The following ZNF565 variants were observed in gnomAD, a reference collection of about 807,000 sequenced individuals.
The protein encoded by ZNF565 is zinc finger protein 565.
A neutral mutation model predicts 39.4 loss-of-function variants in ZNF565; 27 were observed. That is an observed-to-expected ratio of 0.69 (90% CI 0.51 to 0.95). The LOEUF is 0.95. Among genes scored for constraint, ZNF565 ranks in the 40% least tolerant of loss-of-function variants. The probability of loss-of-function intolerance (pLI) is 0.00; values close to 1 mark genes in which losing one functional copy is unlikely to be tolerated. For synonymous variants in ZNF565, 185 were observed against 216.6 expected (o/e 0.85, Z 1.28); for missense variants, 524 against 621.1 (o/e 0.84, Z 1.66).
chr19:36,221,774 G>A (rs1051183124), intron 1 of ZNF565, among the ~76,000 whole-genome samples: 1 of 151,414 alleles, frequency 6.6e-6, no homozygotes, highest in African/African-American at 2.4e-5. Context: ...CTTCAAGTGG[G>A]TTTTTTGTTT....
chr19:36,195,584 GCCC>G, intron 2 of ZNF565, among the ~76,000 whole-genome samples: 1 of 140,548 alleles, frequency 7.1e-6, no homozygotes, highest in East Asian at 2.1e-4. Context: ...TGCTCTTGTT[GCCC>G]AGGCTAGAGT....
chr19:36,221,330 C>T (rs1381638536), intron 1 of ZNF565, among the ~76,000 whole-genome samples: 2 of 146,472 alleles, frequency 1.4e-5, no homozygotes, highest in Admixed American at 6.9e-5. Flanking sequence ...ACTCTGTCCC[C>T]TAGGCTGGAG....
chr19:36,192,113 T>C (rs374702333), intron 4 of ZNF565, among the ~76,000 whole-genome samples: 42 of 151,554 alleles, frequency 2.8e-4, no homozygotes, highest in African/African-American at 9.7e-4. Context: ...CTCAGCCTCC[T>C]GAGTAGCTGG....
chr19:36,185,021 G>A (rs886095253), intron 4 of ZNF565, among the ~76,000 whole-genome samples: 5 of 151,666 alleles, frequency 3.3e-5, no homozygotes, highest in Non-Finnish European at 7.4e-5. Flanking sequence ...GGGAGACCGA[G>A]ACACAAGAAT....
At chr19:36,231,246 G>C (rs1256444797) in intron 1 of ZNF565, among the ~76,000 whole-genome samples, 1 of 152,032 alleles carries the variant, frequency 6.6e-6, no homozygotes, top group South Asian at 2.1e-4. Flanking sequence ...GTTTCACTCT[G>C]TTGTCCAGGT....
intron 1 of ZNF565, among the ~76,000 whole-genome samples, chr19:36,227,240 T>C (rs892365291): frequency 2.0e-5 from 3 of 151,186 alleles, no homozygotes; most frequent in Admixed American, 2.0e-4. Context: ...ATTACAAAAA[T>C]TAGCTGGGTG....
chr19:36,194,941 C>T, intron 3 of ZNF565, 89 bp downstream of exon 3: 1 of 1,591,460 alleles, frequency 6.3e-7, no homozygotes, highest in Non-Finnish European at 8.6e-7. Context: ...CTCTCCTCAC[C>T]CATTTAGGCA....
chr19:36,229,169 A>G (rs762783292), intron 1 of ZNF565, among the ~76,000 whole-genome samples: 48 of 152,138 alleles, frequency 3.2e-4, no homozygotes, highest in Non-Finnish European at 5.7e-4. Flanking sequence ...TCTGATATTC[A>G]GGTTCCTTTT....
In ZNF565 at chr19:36,225,434, C is replaced by T. The variant is rs147948948; in HGVS notation, c.55+20042G>A. ...CTTTTGTGGTCTATTTATAGCTTTG[C>T]TTCCTTCTTAAAAGTTTTGTGTCTT... On this transcript the variant is annotated intron_variant, in intron 1 of 4. Transcript: ENST00000355114. 6.5e-3 allele frequency among the ~76,000 whole-genome samples: 983 copies of T among 152,104 alleles called. 8 individuals are homozygous for T. Among genetic ancestry groups the T allele is most frequent in the South Asian group, 0.023 (109 of 4,818 alleles).
chr19:36,186,517 G>A (rs1975305123), intron 4 of ZNF565, among the ~76,000 whole-genome samples: 2 of 152,324 alleles, frequency 1.3e-5, no homozygotes, highest in South Asian at 4.1e-4. Flanking sequence ...GCTGGGCGTG[G>A]TGGCTCATGC....
At chr19:36,207,584 A>C (rs1300143647) in intron 1 of ZNF565, among the ~76,000 whole-genome samples, 1 of 152,044 alleles carries the variant, frequency 6.6e-6, no homozygotes, top group African/African-American at 2.4e-5. Flanking sequence ...AAACAAACAA[A>C]CAACAACAAA....
intron 4 of ZNF565, among the ~76,000 whole-genome samples, chr19:36,186,269 G>C (rs1975296426): frequency 6.6e-6 from 1 of 152,184 alleles, no homozygotes. Context: ...AAAGTATTGG[G>C]ATTACAGGCG....
At chr19:36,228,988 C>A (rs988719730) in intron 1 of ZNF565, among the ~76,000 whole-genome samples, 3 of 152,122 alleles carry the variant, frequency 2.0e-5, no homozygotes, top group African/African-American at 7.2e-5. Context: ...TTTCATTATT[C>A]TTCTTCTTTC....
At chr19:36,244,080 C>T (rs543732315) in intron 1 of ZNF565, among the ~76,000 whole-genome samples, 2 of 152,106 alleles carry the variant, frequency 1.3e-5, no homozygotes, top group Admixed American at 6.5e-5. Context: ...TGCTCTGCCA[C>T]TGCCGTAGCT....
intron 4 of ZNF565, among the ~76,000 whole-genome samples, chr19:36,191,436 C>G (rs1975538849): frequency 6.6e-6 from 1 of 151,216 alleles, no homozygotes; most frequent in Non-Finnish European, 1.5e-5. Flanking sequence ...TAAAAGGAAC[C>G]AGCATTCTTT....
intron 1 of ZNF565, chr19:36,237,885 A>G (rs762633256): frequency 6.0e-6 from 1 of 167,042 alleles, no homozygotes; most frequent in Non-Finnish European, 1.5e-5. Flanking sequence ...CATGAACTAT[A>G]CACAAAAGTG....
intron 1 of ZNF565, 137 bp from the exon 2 acceptor site, chr19:36,202,187 C>A: frequency 1.6e-6 from 1 of 617,830 alleles, no homozygotes; most frequent in South Asian, 1.9e-5. Flanking sequence ...CATGTCCTAC[C>A]ACACAAGAAC....
chr19:36,204,818 T>C (rs61464949), intron 1 of ZNF565, among the ~76,000 whole-genome samples: 4,408 of 151,072 alleles, frequency 0.029, 221 homozygotes, highest in African/African-American at 0.099. Context: ...GGTGAAACCC[T>C]GTCTCTACTA....
chr19:36,182,628 G>C lies in ZNF565; in HGVS notation c.1338C>G (p.Pro446=). The C allele has an allele frequency of 6.2e-7, 1 of 1,614,098 alleles. No individual in the cohort carries two copies. The highest frequency in any genetic ancestry group is 8.5e-7 in the Non-Finnish European group (1 of 1,179,974). ...CCATTCCACACTCCCTGCATTCATA[G>C]GGTTTCTCACAAGTGTGAATTCGCT... ...HHQRIHTCEK[P]YECRECGMAF... is the part of the protein sequence containing the mutation. The change falls in exon 5 of 5, where the codon CCC becomes CCG. Residue 446 remains proline (P), a synonymous_variant. Coordinates refer to ENST00000304116, the MANE Select transcript of ZNF565 (RefSeq NM_152477.5).
Sources: gnomAD v4.1 joint callset for allele counts (sites outside exome capture counted in the v4.1 genomes callset) on GRCh38, gnomAD v4.1.1 for gene constraint, MANE v1.5 for transcripts, NCBI Gene and HGNC (gene_info 2026-07-23, HGNC 2026-07-21) for gene names.